Variants in GALNT1 observed in about 807,000 individuals in gnomAD.
GALNT1 encodes GalNAc transferase 1.
GALNT1 carries 17 observed loss-of-function variants against 65.7 expected under a neutral mutation model. The ratio of observed to expected loss-of-function variants is 0.26; its 90% CI spans 0.18 to 0.39. The LOEUF (loss-of-function observed/expected upper bound fraction) is 0.39, where lower values mean the gene tolerates loss of function less well. Ranked by LOEUF, GALNT1 falls within the 10% of genes least tolerant of loss-of-function variation. The pLI is 1.00. For missense variants in GALNT1, 460 were observed against 672.8 expected (o/e 0.68, Z 3.50); for synonymous variants, 210 against 219.7 (o/e 0.96, Z 0.39).
intron 2 of GALNT1, among the ~76,000 whole-genome samples, chr18:35,656,528 T>G: frequency 6.6e-6 from 1 of 152,180 alleles, no homozygotes. Context: ...AGCAGGTGTT[T>G]GTTAGGAGAG....
chr18:35,687,523 CAGTA>C (rs1298975828), intron 6 of GALNT1, among the ~76,000 whole-genome samples: 1 of 152,042 alleles, frequency 6.6e-6, no homozygotes, highest in Non-Finnish European at 1.5e-5. Context: ...TTAATTGTGT[CAGTA>C]TGTGAAGATA....
At chr18:35,661,426 G>T (rs927951390) in intron 2 of GALNT1, among the ~76,000 whole-genome samples, 2 of 151,804 alleles carry the variant, frequency 1.3e-5, no homozygotes, top group African/African-American at 2.4e-5. Context: ...CTTGAATCTG[G>T]GAGACAAAGG....
chr18:35,667,018 A>T (rs1301033410), intron 3 of GALNT1, among the ~76,000 whole-genome samples: 7 of 152,186 alleles, frequency 4.6e-5, no homozygotes, highest in Admixed American at 4.6e-4. Flanking sequence ...ATAATAATGT[A>T]ATGAACCCTC....
intron 1 of GALNT1, among the ~76,000 whole-genome samples, chr18:35,601,183 G>A (rs964049275): frequency 2.6e-5 from 4 of 151,948 alleles, no homozygotes; most frequent in Non-Finnish European, 4.4e-5. Context: ...TGGGTCTTAT[G>A]TGTTCAGGAA....
intron 1 of GALNT1, among the ~76,000 whole-genome samples, chr18:35,651,478 A>G (rs899935844): frequency 3.9e-5 from 6 of 152,204 alleles, no homozygotes; most frequent in African/African-American, 1.4e-4. Context: ...TCTTGGATCA[A>G]ATAATGAAGT....
At chr18:35,690,850 T>G (rs919486825) in intron 7 of GALNT1, among the ~76,000 whole-genome samples, 162 bp from the exon 8 acceptor site, 1 of 152,176 alleles carries the variant, frequency 6.6e-6, no homozygotes, top group Non-Finnish European at 1.5e-5. Context: ...AGTATGGAGG[T>G]ACTTTGGAAG....
chr18:35,670,925 A>G (rs927482456), intron 3 of GALNT1, among the ~76,000 whole-genome samples: 11 of 152,212 alleles, frequency 7.2e-5, no homozygotes, highest in Non-Finnish European at 1.6e-4. Context: ...ATTCAAGACA[A>G]AACTGAAACT....
At chr18:35,649,104 A>G (rs1049671701) in intron 1 of GALNT1, among the ~76,000 whole-genome samples, 3 of 152,216 alleles carry the variant, frequency 2.0e-5, no homozygotes, top group Non-Finnish European at 4.4e-5. Context: ...ATAAATAGGA[A>G]CGGGATTACA....
chr18:35,603,289 G>A (rs2046604400), intron 1 of GALNT1, among the ~76,000 whole-genome samples: 2 of 152,126 alleles, frequency 1.3e-5, no homozygotes, highest in Admixed American at 1.3e-4. Flanking sequence ...CATGTGCAGT[G>A]CCTAGCAGAT....
intron 1 of GALNT1, among the ~76,000 whole-genome samples, chr18:35,647,356 G>T (rs1317846527): frequency 6.6e-6 from 1 of 152,166 alleles, no homozygotes; most frequent in East Asian, 1.9e-4. Context: ...GTCAGGGAGT[G>T]TGTGCATTTT....
intron 2 of GALNT1, among the ~76,000 whole-genome samples, chr18:35,656,070 CTA>C (rs959832806): frequency 6.6e-6 from 1 of 152,150 alleles, no homozygotes; most frequent in Non-Finnish European, 1.5e-5. Flanking sequence ...TTCATACTGT[CTA>C]TGTTTAAATC....
chr18:35,694,802 C>T (rs779185788), intron 9 of GALNT1, among the ~76,000 whole-genome samples: 3 of 152,134 alleles, frequency 2.0e-5, no homozygotes, highest in Non-Finnish European at 2.9e-5. Flanking sequence ...TGCTATAAAT[C>T]GTGATACAAC....
chr18:35,683,624 G>T, intron 5 of GALNT1, 26 bp downstream of exon 5: 10 of 1,596,958 alleles, frequency 6.3e-6, no homozygotes, highest in Non-Finnish European at 7.7e-6. Flanking sequence ...CTGTAAGTTT[G>T]CTTTTAGTAC....
intron 1 of GALNT1, among the ~76,000 whole-genome samples, chr18:35,641,700 A>G (rs1475172052): frequency 1.3e-5 from 2 of 152,234 alleles, no homozygotes; most frequent in Non-Finnish European, 2.9e-5. Context: ...GTTGTCAACG[A>G]TATAACACAT....
At chr18:35,612,398 A>C (rs572844387) in intron 1 of GALNT1, among the ~76,000 whole-genome samples, 1 of 152,368 alleles carries the variant, frequency 6.6e-6, no homozygotes, top group Non-Finnish European at 1.5e-5. Context: ...GAAATGTGAA[A>C]GATAAGTCTG....
chr18:35,680,867 G>C (rs1327302278), intron 4 of GALNT1, among the ~76,000 whole-genome samples: 5 of 152,116 alleles, frequency 3.3e-5, no homozygotes. Flanking sequence ...CTGTAATAAA[G>C]TCAGAATTTG....
Position 35,683,555 on chromosome 18 carries a change from G to C in GALNT1, c.646G>C (p.Val216Leu). The change falls in exon 5 of 12, where the codon GTG becomes CTG. Residue 216 changes from valine (V) to leucine (L), a missense_variant. Physicochemically the swap from Val to Leu is conservative, Grantham distance 32 (BLOSUM62 1). Coordinates refer to ENST00000269195, the MANE Select transcript of GALNT1 (RefSeq NM_020474.4). ...CCTGGATGCCCATTGTGAGTGTACA[G>C]TGGGATGGCTGGAGCCTCTCTTGGC... ...TFLDAHCECT[V>L]GWLEPLLARI... 6.2e-7 allele frequency: 1 copy of C among 1,613,770 alleles called. No homozygotes were observed. The highest frequency in any genetic ancestry group is 8.5e-7 in the Non-Finnish European group (1 of 1,179,758).
At chr18:35,625,312 G>A (rs571824135) in intron 1 of GALNT1, among the ~76,000 whole-genome samples, 14 of 152,244 alleles carry the variant, frequency 9.2e-5, no homozygotes, top group African/African-American at 2.9e-4. Flanking sequence ...GAACAGATCC[G>A]GAGAAGAGTA....
chr18:35,707,459 C>T (rs1422638655), intron 11 of GALNT1, among the ~76,000 whole-genome samples: 1 of 152,154 alleles, frequency 6.6e-6, no homozygotes, highest in East Asian at 1.9e-4. Context: ...TTCCAAGCCA[C>T]AAGGCTCTGT....
Sources: allele counts gnomAD v4.1 joint callset (sites outside exome capture counted in the v4.1 genomes callset), GRCh38; gene constraint gnomAD v4.1.1; transcripts MANE v1.5; gene names NCBI Gene and HGNC (gene_info 2026-07-23, HGNC 2026-07-21).